NINJ2: variants seen among roughly 807,000 people sequenced by gnomAD.
The protein encoded by NINJ2 is ninjurin-2.
In NINJ2, 12 loss-of-function variants were observed where a neutral mutation model predicts 11.7. That is an observed-to-expected ratio of 1.02 (90% CI 0.66 to 1.66). The LOEUF (loss-of-function observed/expected upper bound fraction) is 1.66, where lower values mean the gene tolerates loss of function less well. NINJ2 is among the 40% of genes most tolerant of loss of function. The probability of loss-of-function intolerance (pLI) is 0.00; values close to 1 mark genes in which losing one functional copy is unlikely to be tolerated. For missense variants in NINJ2, 187 were observed against 181.8 expected, an observed-to-expected ratio of 1.03 and a Z score of -0.16; for synonymous variants, 93 against 76.8, an observed-to-expected ratio of 1.21 and a Z score of -1.10.
At chr12:627,664 C>T (rs1358468315) in intron 1 of NINJ2, among the ~76,000 whole-genome samples, 1 of 152,260 alleles carries the variant, frequency 6.6e-6, no homozygotes, top group Non-Finnish European at 1.5e-5. Context: ...CCTCTGTGCC[C>T]AGACCTGGGC....
chr12:569,818 G>A (rs1232212009), intron 1 of NINJ2, among the ~76,000 whole-genome samples: 1 of 152,246 alleles, frequency 6.6e-6, no homozygotes, highest in African/African-American at 2.4e-5. Flanking sequence ...TGTGCTTAGG[G>A]GGTGCGCCTC....
chr12:577,430 C>CATATATATATATGTAT, intron 1 of NINJ2, among the ~76,000 whole-genome samples: 1 of 94,006 alleles, frequency 1.1e-5, no homozygotes, highest in Middle Eastern at 4.8e-3. Flanking sequence ...TATATATATA[C>CATATATATATATGTAT]ATATATATAT....
chr12:617,098 C>T (rs758098323), intron 1 of NINJ2, among the ~76,000 whole-genome samples: 2 of 152,060 alleles, frequency 1.3e-5, no homozygotes, highest in South Asian at 2.1e-4. Context: ...CCCTGCTACT[C>T]GGGAGGCTGA....
At chr12:606,976 G>T (rs966858565) in intron 1 of NINJ2, among the ~76,000 whole-genome samples, 2 of 152,166 alleles carry the variant, frequency 1.3e-5, no homozygotes, top group African/African-American at 4.8e-5. Context: ...TTGAATCCCC[G>T]GCCCCAACTC....
rs1215726372 is a variant in NINJ2 at position 628,508 on chromosome 12, A to G, written c.33+34820T>C. Among the ~76,000 whole-genome samples, 1 of 152,246 alleles carries G rather than the reference A, an allele frequency of 6.6e-6. No individual in the cohort carries two copies. The highest frequency in any genetic ancestry group is 1.5e-5 in the Non-Finnish European group (1 of 68,036). On this transcript the variant is annotated intron_variant, in intron 1 of 3. Coordinates refer to ENST00000305108, the MANE Select transcript of NINJ2 (RefSeq NM_016533.6). The surrounding 1 kb of genome is among the most constrained non-coding windows in gnomAD (Gnocchi z 4.4). ...TTTACAGACAGGGAAAGCAAAAAAC[A>G]TAAGCATGGTAATGCATATATAATA... is the stretch of plus-strand genomic sequence containing the variant.
intron 1 of NINJ2, among the ~76,000 whole-genome samples, chr12:627,762 A>C (rs912996539): frequency 3.9e-5 from 6 of 152,186 alleles, no homozygotes; most frequent in African/African-American, 7.2e-5. Flanking sequence ...CCAAAATCTC[A>C]ACTGGAGCTG....
chr12:564,445 T>C lies in NINJ2; in HGVS notation c.*255A>G, dbSNP rs964924022. On this transcript the variant is annotated 3_prime_UTR_variant, in exon 4 of 4. Coordinates refer to ENST00000305108, the MANE Select transcript of NINJ2 (RefSeq NM_016533.6). ...CTTAGACAGACATGCCTTACTTAGG[T>C]CCAGCAGATGCTACCAGGAAGGTAT... 1.3e-5 allele frequency: 2 copies of C among 152,240 alleles called. No individual in the cohort carries two copies. The highest frequency in any genetic ancestry group is 2.4e-5 in the African/African-American group (1 of 41,448). 9.4% of individuals were successfully genotyped at this position (152,240 alleles called of 1,614,324 possible). A position where few individuals can be genotyped will look rare whatever the true frequency, so the allele number is the denominator to read the frequency against.
In NINJ2 at chr12:586,854, C is replaced by A. The variant is rs138539098; in HGVS notation, c.34-20676G>T. On this transcript the variant is annotated intron_variant, in intron 1 of 3. Coordinates refer to ENST00000305108, the MANE Select transcript of NINJ2 (RefSeq NM_016533.6). ...TCTGCAGTGACCTTCACCTTCGGGG[C>A]CCTGCTCCCATGAGAATCACTGTTG... Among the ~76,000 whole-genome samples the A allele has an allele frequency of 4.3e-4, 66 of 152,298 alleles. 1 individual carries two copies. The East Asian group carries it at 9.1e-3, about 21-fold the overall frequency.
intron 1 of NINJ2, among the ~76,000 whole-genome samples, chr12:609,303 GCGCCACGCGC>G (rs1458852733): frequency 1.4e-5 from 2 of 140,540 alleles, no homozygotes; most frequent in Non-Finnish European, 3.2e-5. Context: ...CACACGCACG[GCGCCACGCGC>G]TAGGTGCTGA....
At chr12:626,329 C>A (rs761115427) in intron 1 of NINJ2, among the ~76,000 whole-genome samples, 3 of 152,216 alleles carry the variant, frequency 2.0e-5, no homozygotes, top group Non-Finnish European at 2.9e-5. Context: ...GAAAAAAGAG[C>A]TGCGTTAGTG....
chr12:643,421 C>T, intron 1 of NINJ2: 2 of 987,744 alleles, frequency 2.0e-6, no homozygotes, highest in Non-Finnish European at 2.4e-6. Flanking sequence ...GGCCTACATC[C>T]GCTCCGCCGC....
intron 1 of NINJ2, among the ~76,000 whole-genome samples, chr12:655,379 AC>A (rs1025941482): frequency 6.6e-6 from 1 of 152,208 alleles, no homozygotes; most frequent in Non-Finnish European, 1.5e-5. Flanking sequence ...AAATGAACTG[AC>A]CAAAAATCTG....
chr12:585,507 CGG>C lies in NINJ2; in HGVS notation c.34-19331_34-19330del. On this transcript the variant is annotated intron_variant, in intron 1 of 3. Transcript: ENST00000305108. The surrounding 1 kb of genome is among the most constrained non-coding windows in gnomAD (Gnocchi z 4.1). ...AACGGTTGGAGGGAAGGGAAGGGAA[CGG>C]TTGGAGGGAAGGGAAGGGAACGGTT... Among the ~76,000 whole-genome samples the C allele has an allele frequency of 1.3e-5, 2 of 148,218 alleles. No homozygotes were observed. The highest frequency in any genetic ancestry group is 6.7e-5 in the Admixed American group (1 of 14,846).
At chr12:570,504 C>T (rs1947361594) in intron 1 of NINJ2, among the ~76,000 whole-genome samples, 2 of 152,220 alleles carry the variant, frequency 1.3e-5, no homozygotes, top group African/African-American at 2.4e-5. Flanking sequence ...GTGGGGAGCG[C>T]AGCAGGGTGG....
intron 1 of NINJ2, among the ~76,000 whole-genome samples, chr12:625,245 T>C (rs1416115281): frequency 6.6e-6 from 1 of 152,100 alleles, no homozygotes; most frequent in African/African-American, 2.4e-5. Context: ...AAAAGGCATC[T>C]AGGTGGTAGG....
intron 1 of NINJ2, among the ~76,000 whole-genome samples, chr12:630,638 A>G (rs570856759): frequency 6.6e-6 from 1 of 152,258 alleles, no homozygotes; most frequent in South Asian, 2.1e-4. Context: ...CGGCCCCCCA[A>G]AATGCTGGGA....
At chr12:583,103 GTGAA>G (rs1947580803) in intron 1 of NINJ2, among the ~76,000 whole-genome samples, 1 of 114,814 alleles carries the variant, frequency 8.7e-6, no homozygotes, top group Non-Finnish European at 1.8e-5. Context: ...GCATGCTAGT[GTGAA>G]TGAATGAATG....
At position 633,946 on chromosome 12, in the gene NINJ2, G is replaced by A. The variant is rs752135817; in HGVS notation, c.33+29382C>T. Among the ~76,000 whole-genome samples the A allele has an allele frequency of 2.6e-5, 4 of 152,048 alleles. No individual in the cohort carries two copies. The highest frequency in any genetic ancestry group is 2.1e-4 in the South Asian group (1 of 4,822). On this transcript the variant is annotated intron_variant, in intron 1 of 3. Transcript: ENST00000305108. The surrounding 1 kb of genome is among the most constrained non-coding windows in gnomAD (Gnocchi z 4.3). ...AGTTGTGCTTTCCCCCACACACACC[G>A]TCTGATCTGGTCAGAAAGGCCTTTG...
At chr12:586,236 G>A (rs2305866) in intron 1 of NINJ2, 41,402 of 152,238 alleles carry the variant, frequency 0.27, 5,994 homozygotes, top group South Asian at 0.37. Flanking sequence ...CTGGGAAGCT[G>A]GCCCAGCCTA....
Sources: allele counts gnomAD v4.1 joint callset (sites outside exome capture counted in the v4.1 genomes callset), GRCh38; gene constraint gnomAD v4.1.1; non-coding constraint Gnocchi (gnomAD v3.1); transcripts MANE v1.5; gene names NCBI Gene and HGNC (gene_info 2026-07-23, HGNC 2026-07-21).